The following RANBP17 variants were observed in gnomAD, a reference collection of about 807,000 sequenced individuals.
RANBP17 encodes RAN binding protein 17.
Under a neutral mutation model 141.2 loss-of-function variants are expected in RANBP17, and 158 were observed. The ratio of observed to expected loss-of-function variants is 1.12; its 90% CI spans 0.98 to 1.28. RANBP17 has a LOEUF of 1.28. Ranked by LOEUF, RANBP17 falls within the 50% of genes most tolerant of loss-of-function variation. The pLI is 0.00. For missense variants in RANBP17, 1,438 were observed against 1,290.7 expected, an observed-to-expected ratio of 1.11 and a Z score of -1.75; for synonymous variants, 430 against 450.0, an observed-to-expected ratio of 0.96 and a Z score of 0.56.
chr5:170,958,617 G>A (rs1478216386), intron 13 of RANBP17, among the ~76,000 whole-genome samples: 1 of 152,132 alleles, frequency 6.6e-6, no homozygotes, highest in African/African-American at 2.4e-5. Context: ...TGGAACTACA[G>A]TACTGTGACT....
intron 24 of RANBP17, among the ~76,000 whole-genome samples, chr5:171,262,427 G>C (rs192365507): frequency 1.3e-5 from 2 of 152,334 alleles, no homozygotes; most frequent in African/African-American, 4.8e-5. Flanking sequence ...ACGGAGAGAT[G>C]CAGAAGAAAT....
intron 14 of RANBP17, among the ~76,000 whole-genome samples, chr5:171,056,054 T>TG (rs1226712387): frequency 1.4e-4 from 21 of 152,154 alleles, no homozygotes; most frequent in Non-Finnish European, 2.5e-4. Context: ...ATTCAATTGT[T>TG]TAAAGTTGTA....
intron 14 of RANBP17, among the ~76,000 whole-genome samples, chr5:170,981,120 A>G (rs534068481): frequency 7.9e-4 from 120 of 152,258 alleles, no homozygotes; most frequent in East Asian, 2.9e-3. Flanking sequence ...GTTTTGGCCA[A>G]TGTCTCCCAT....
At chr5:171,254,611 A>T (rs565870076) in intron 24 of RANBP17, among the ~76,000 whole-genome samples, 1 of 152,290 alleles carries the variant, frequency 6.6e-6, no homozygotes, top group East Asian at 1.9e-4. Flanking sequence ...CTAAGACTTT[A>T]TTCTGTTGGG....
At chr5:171,152,359 C>T (rs1758548481) in intron 14 of RANBP17, among the ~76,000 whole-genome samples, 1 of 150,030 alleles carries the variant, frequency 6.7e-6, no homozygotes, top group African/African-American at 2.5e-5. Flanking sequence ...GCGGAGGTTG[C>T]AGTGAGCTGA....
rs535398348 is a variant in RANBP17, at chr5:171,265,691, C to T, written c.2787C>T (p.Val929=). Residue 929 remains valine (V), a synonymous_variant, in exon 25 of 28, where the codon GTC becomes GTT. Coordinates refer to ENST00000523189, the MANE Select transcript of RANBP17 (RefSeq NM_022897.5). ...TTACTATTTGTACAGATACAGTTGT[C>T]TCCTCCAGCTGCTGTACCAGTTTAG... ...SEGLTTLDTV[V]SSSCCTSLDY... is the part of the protein sequence containing the mutation. 1.4e-4 allele frequency: 227 copies of T among 1,611,826 alleles called. No individual in the cohort carries two copies. The highest frequency in any genetic ancestry group is 5.6e-4 in the Admixed American group (33 of 59,458).
chr5:171,075,062 C>A (rs145468483), intron 14 of RANBP17, among the ~76,000 whole-genome samples: 1 of 152,156 alleles, frequency 6.6e-6, no homozygotes, highest in African/African-American at 2.4e-5. Context: ...CAGACCTTGG[C>A]GATGACCTTG....
intron 14 of RANBP17, among the ~76,000 whole-genome samples, chr5:171,017,754 T>C (rs777545855): frequency 3.5e-4 from 53 of 152,226 alleles, no homozygotes; most frequent in Non-Finnish European, 7.3e-4. Flanking sequence ...GCTCTTTAGT[T>C]TAATTAGATC....
chr5:171,224,357 A>G (rs570221481), intron 22 of RANBP17, among the ~76,000 whole-genome samples: 2 of 152,152 alleles, frequency 1.3e-5, no homozygotes, highest in East Asian at 3.9e-4. Flanking sequence ...CTTTTTCTGG[A>G]TCTTTCTTTT....
At chr5:170,916,647 A>G in intron 9 of RANBP17, 63 bp downstream of exon 9, 1 of 1,066,974 alleles carries the variant, frequency 9.4e-7, no homozygotes. Flanking sequence ...AAAGGCACAT[A>G]ATAAACTCAT....
At chr5:171,080,896 AC>A (rs1252219321) in intron 14 of RANBP17, among the ~76,000 whole-genome samples, 1 of 152,204 alleles carries the variant, frequency 6.6e-6, no homozygotes, top group East Asian at 1.9e-4. Context: ...ACCATATCTT[AC>A]AATTTTGTTT....
intron 12 of RANBP17, among the ~76,000 whole-genome samples, chr5:170,931,949 CAGTGGT>C (rs1478532553): frequency 8.5e-5 from 13 of 152,136 alleles, no homozygotes; most frequent in Non-Finnish European, 1.5e-4. Flanking sequence ...TGAAGAAAGT[CAGTGGT>C]AGCTTGATGG....
chr5:171,178,131 G>A (rs983954174), intron 16 of RANBP17, among the ~76,000 whole-genome samples: 3 of 150,868 alleles, frequency 2.0e-5, no homozygotes, highest in Admixed American at 6.6e-5. Context: ...TCAATGCATC[G>A]TCTACATTAG....
intron 12 of RANBP17, among the ~76,000 whole-genome samples, chr5:170,949,386 G>GAA (rs1775024578): frequency 6.6e-6 from 1 of 152,032 alleles, no homozygotes; most frequent in African/African-American, 2.4e-5. Context: ...ACCCAGTAAT[G>GAA]AAAAAGACAA....
intron 14 of RANBP17, among the ~76,000 whole-genome samples, chr5:170,983,861 G>C (rs930999132): frequency 1.3e-5 from 2 of 152,134 alleles, no homozygotes; most frequent in Non-Finnish European, 2.9e-5. Flanking sequence ...GAAGATTCCT[G>C]AATGAAATCC....
chr5:170,962,288 C>T (rs1373977368), intron 13 of RANBP17, among the ~76,000 whole-genome samples: 1 of 152,244 alleles, frequency 6.6e-6, no homozygotes, highest in East Asian at 1.9e-4. Context: ...CTCATTCCTA[C>T]TCTCTTGCTG....
At chr5:171,159,688 G>A (rs182839899) in intron 14 of RANBP17, among the ~76,000 whole-genome samples, 1 of 152,230 alleles carries the variant, frequency 6.6e-6, no homozygotes, top group East Asian at 1.9e-4. Flanking sequence ...TTGGGAGGCT[G>A]AGGCAGGTGG....
At chr5:171,114,105 A>G (rs1217955533) in intron 14 of RANBP17, among the ~76,000 whole-genome samples, 1 of 152,158 alleles carries the variant, frequency 6.6e-6, no homozygotes, top group Non-Finnish European at 1.5e-5. Flanking sequence ...ATATCAATTG[A>G]TAGAACTTAC....
At chr5:171,276,460 G>A (rs751914032) in intron 25 of RANBP17, among the ~76,000 whole-genome samples, 6 of 152,146 alleles carry the variant, frequency 3.9e-5, no homozygotes, top group East Asian at 1.9e-4. Flanking sequence ...CATAAGCCAC[G>A]TATCCATTTG....
Sources: allele counts gnomAD v4.1 joint callset (sites outside exome capture counted in the v4.1 genomes callset), GRCh38; gene constraint gnomAD v4.1.1; transcripts MANE v1.5; gene names NCBI Gene and HGNC (gene_info 2026-07-23, HGNC 2026-07-21).